The following EGFLAM variants were observed in gnomAD, a reference collection of about 807,000 sequenced individuals.
EGFLAM encodes EGF like, fibronectin type III and laminin G domains.
A neutral mutation model predicts 113.1 loss-of-function variants in EGFLAM; 79 were observed. That is an observed-to-expected ratio of 0.70 (90% CI 0.58 to 0.84). EGFLAM has a LOEUF of 0.84. EGFLAM is among the 40% of genes least tolerant of loss of function. The pLI, the probability that EGFLAM is intolerant of heterozygous loss-of-function variation, is 0.00. For missense variants in EGFLAM, 1,265 were observed against 1,291.6 expected (o/e 0.98, Z 0.32); for synonymous variants, 504 against 487.6 (o/e 1.03, Z -0.44).
intron 3 of EGFLAM, among the ~76,000 whole-genome samples, chr5:38,341,097 C>T (rs1019619003): frequency 7.9e-5 from 12 of 152,064 alleles, no homozygotes; most frequent in African/African-American, 2.4e-4. Flanking sequence ...AAACTGTGTG[C>T]CAGGGTGCTC....
intron 6 of EGFLAM, among the ~76,000 whole-genome samples, chr5:38,388,208 A>G (rs1174891776): frequency 6.6e-6 from 1 of 152,248 alleles, no homozygotes; most frequent in Non-Finnish European, 1.5e-5. Context: ...TTAAATAGAG[A>G]TAGCAGACGT....
intron 17 of EGFLAM, among the ~76,000 whole-genome samples, chr5:38,441,089 A>G (rs1742518000): frequency 6.6e-6 from 1 of 152,180 alleles, no homozygotes; most frequent in Admixed American, 6.5e-5. Flanking sequence ...CAGGAGCAAG[A>G]GAGCCTGACC....
Position 38,463,852 on chromosome 5 carries a change from C to G in EGFLAM, c.2896C>G (p.Leu966Val), listed in dbSNP as rs140904490. Residue 966 changes from leucine to valine, a missense_variant, in exon 22 of 22, where the codon CTG (leucine) becomes GTG (valine). Coordinates refer to ENST00000322350, the MANE Select transcript of EGFLAM (RefSeq NM_152403.4). ...LYVGGMKEIA[L>V]HTNRQYMRGL... ...GGCAGGTGGAATGAAGGAAATTGCT[C>G]TGCACACTAACAGGCAATATATGAG... The G allele has an allele frequency of 1.3e-5, 21 of 1,613,846 alleles. No homozygotes were observed. In the African/African-American group the frequency reaches 2.4e-4, roughly 18 times the overall value.
intron 5 of EGFLAM, among the ~76,000 whole-genome samples, chr5:38,363,268 C>T (rs1347008276): frequency 6.6e-6 from 1 of 152,088 alleles, no homozygotes; most frequent in Non-Finnish European, 1.5e-5. Context: ...GTTGTGTTTG[C>T]CCTGGGTAAT....
At chr5:38,438,546 G>A in intron 17 of EGFLAM, 91 bp downstream of exon 17, 2 of 1,276,618 alleles carry the variant, frequency 1.6e-6, no homozygotes, top group Non-Finnish European at 2.1e-6. Flanking sequence ...TGGAAGAGTT[G>A]TAACAGTGGT....
At chr5:38,332,159 T>C (rs1267960137) in intron 1 of EGFLAM, among the ~76,000 whole-genome samples, 1 of 152,204 alleles carries the variant, frequency 6.6e-6, no homozygotes, top group Non-Finnish European at 1.5e-5. Context: ...GTGTTATAAT[T>C]TGCATTTCCC....
intron 1 of EGFLAM, among the ~76,000 whole-genome samples, chr5:38,320,595 T>C (rs1001758810): frequency 7.9e-5 from 12 of 152,164 alleles, no homozygotes; most frequent in African/African-American, 2.9e-4. Flanking sequence ...CCTGTGTATA[T>C]GTGTGTCTGC....
chr5:38,394,461 G>C (rs1183935211), intron 6 of EGFLAM, among the ~76,000 whole-genome samples: 1 of 151,746 alleles, frequency 6.6e-6, no homozygotes, highest in Non-Finnish European at 1.5e-5. Context: ...CCAGGCTGGA[G>C]TGCAGTGGCA....
chr5:38,359,578 G>T (rs1461041168), intron 5 of EGFLAM, among the ~76,000 whole-genome samples: 2 of 152,166 alleles, frequency 1.3e-5, no homozygotes, highest in Non-Finnish European at 2.9e-5. Flanking sequence ...GGGAGGTTGA[G>T]GCACAAGAAT....
intron 10 of EGFLAM, among the ~76,000 whole-genome samples, chr5:38,410,341 G>A (rs903858378): frequency 1.8e-4 from 27 of 152,276 alleles, no homozygotes; most frequent in African/African-American, 6.3e-4. Context: ...AGCACTTGGA[G>A]GATCGGATAG....
At chr5:38,386,452 C>G (rs929054380) in intron 6 of EGFLAM, among the ~76,000 whole-genome samples, 1 of 152,190 alleles carries the variant, frequency 6.6e-6, no homozygotes, top group African/African-American at 2.4e-5. Flanking sequence ...TTTGACCTCA[C>G]AAAGTGCTGA....
At chr5:38,333,459 A>G (rs982432324) in intron 1 of EGFLAM, among the ~76,000 whole-genome samples, 6 of 152,198 alleles carry the variant, frequency 3.9e-5, no homozygotes, top group Non-Finnish European at 1.5e-5. Flanking sequence ...TCTTGAAAGC[A>G]TCTGTTATTT....
intron 18 of EGFLAM, among the ~76,000 whole-genome samples, chr5:38,448,715 TCCTGAAG>T (rs1247645216): frequency 6.6e-6 from 1 of 152,170 alleles, no homozygotes; most frequent in Non-Finnish European, 1.5e-5. Flanking sequence ...AATGTGATGT[TCCTGAAG>T]CCTGAGTGAT....
At chr5:38,384,696 A>G (rs906238214) in intron 6 of EGFLAM, among the ~76,000 whole-genome samples, 3 of 152,266 alleles carry the variant, frequency 2.0e-5, no homozygotes, top group African/African-American at 7.2e-5. Flanking sequence ...TAAACCCAAC[A>G]GAGGTTAAGA....
chr5:38,358,378 C>T (rs1056919382), intron 5 of EGFLAM, among the ~76,000 whole-genome samples: 14 of 131,662 alleles, frequency 1.1e-4, no homozygotes, highest in Admixed American at 9.7e-4. Context: ...ACCCGGGAGG[C>T]GGAGCTTGCA....
At chr5:38,295,403 A>G (rs1003997527) in intron 1 of EGFLAM, among the ~76,000 whole-genome samples, 2 of 152,258 alleles carry the variant, frequency 1.3e-5, no homozygotes, top group Non-Finnish European at 2.9e-5. Context: ...ATGTTTTTAC[A>G]TAATATATTT....
Position 38,421,919 on chromosome 5 carries a change from C to T in EGFLAM, c.1685-3048C>T, listed in dbSNP as rs139373356. Among the ~76,000 whole-genome samples the T allele has an allele frequency of 3.5e-3, 539 of 152,184 alleles. 5 individuals carry two copies. Among genetic ancestry groups the T allele is most frequent in the Non-Finnish European group, 5.0e-3 (338 of 68,016 alleles). On this transcript the variant is annotated intron_variant, in intron 12 of 21. Coordinates refer to ENST00000322350, the MANE Select transcript of EGFLAM (RefSeq NM_152403.4). ...GTGATTTGAGAAGATCTTCTGACAG[C>T]TCATTAGACGGGGCTTTCAGGGATA...
intron 5 of EGFLAM, among the ~76,000 whole-genome samples, chr5:38,355,332 T>A (rs1197397824): frequency 2.0e-5 from 3 of 152,138 alleles, no homozygotes; most frequent in African/African-American, 7.2e-5. Context: ...GTATAACTCC[T>A]CCACATTTTA....
At chr5:38,278,188 C>G (rs1000845017) in intron 1 of EGFLAM, among the ~76,000 whole-genome samples, 3 of 152,116 alleles carry the variant, frequency 2.0e-5, no homozygotes, top group African/African-American at 4.8e-5. Context: ...AGCATAAAAA[C>G]AGACACATAG....
Sources: gnomAD v4.1 joint callset for allele counts (sites outside exome capture counted in the v4.1 genomes callset) on GRCh38, gnomAD v4.1.1 for gene constraint, MANE v1.5 for transcripts, NCBI Gene and HGNC (gene_info 2026-07-23, HGNC 2026-07-21) for gene names.